The following C10orf90 variants were observed in gnomAD, a reference collection of about 807,000 sequenced individuals.
C10orf90 encodes (E2-independent) E3 ubiquitin-conjugating enzyme FATS.
In C10orf90, 56 loss-of-function variants were observed where a neutral mutation model predicts 62.5. The observed-to-expected ratio is 0.90, with a 90% CI of 0.72 to 1.12. The LOEUF (loss-of-function observed/expected upper bound fraction) is 1.12, where lower values mean the gene tolerates loss of function less well. C10orf90 is among the 50% of genes most tolerant of loss of function. C10orf90 has a pLI of 0.00. For synonymous variants in C10orf90, 386 were observed against 340.4 expected, an observed-to-expected ratio of 1.13 and a Z score of -1.47; for missense variants, 970 against 880.4, an observed-to-expected ratio of 1.10 and a Z score of -1.29.
chr10:126,505,089 C>A lies in C10orf90; in HGVS notation c.406-4G>T, dbSNP rs772276171. The A allele has an allele frequency of 6.9e-6, 11 of 1,594,606 alleles. No individual in the cohort carries two copies. The highest frequency in any genetic ancestry group is 1.7e-4 in the Middle Eastern group (1 of 5,974). On this transcript the variant is annotated splice_region_variant and splice_polypyrimidine_tract_variant and intron_variant, in intron 3 of 9. Transcript: ENST00000488181. ...TGTTTTGTGATGCCAGGGTCTCCTG[C>A]AAATAGAAAAAGATCCCGATTATTC...
At chr10:126,621,807 T>G (rs773327689) in intron 2 of C10orf90, among the ~76,000 whole-genome samples, 3 of 152,214 alleles carry the variant, frequency 2.0e-5, no homozygotes, top group Non-Finnish European at 4.4e-5. Flanking sequence ...TTAAAGAGAA[T>G]TCCCCTGACT....
chr10:126,659,058 T>C (rs933048921), intron 1 of C10orf90, among the ~76,000 whole-genome samples: 1 of 152,174 alleles, frequency 6.6e-6, no homozygotes, highest in Admixed American at 6.5e-5. Context: ...GCTGCACGCA[T>C]TGGGAACTAC....
At chr10:126,433,006 C>T (rs928243129) in intron 7 of C10orf90, among the ~76,000 whole-genome samples, 5 of 152,076 alleles carry the variant, frequency 3.3e-5, no homozygotes, top group Non-Finnish European at 2.9e-5. Flanking sequence ...AGAACATGAA[C>T]TGGGTGGAGG....
chr10:126,610,069 C>A (rs1845400423), intron 2 of C10orf90, among the ~76,000 whole-genome samples: 2 of 152,154 alleles, frequency 1.3e-5, no homozygotes, highest in African/African-American at 4.8e-5. Context: ...CTGTGTATCC[C>A]TGTGCCCTTG....
intron 4 of C10orf90, among the ~76,000 whole-genome samples, chr10:126,487,984 T>C (rs1279918805): frequency 6.6e-6 from 1 of 152,142 alleles, no homozygotes; most frequent in Admixed American, 6.5e-5. Flanking sequence ...GAGTTCACGT[T>C]ACAATTTTTA....
At chr10:126,634,900 C>A (rs537162136) in intron 2 of C10orf90, among the ~76,000 whole-genome samples, 1 of 152,144 alleles carries the variant, frequency 6.6e-6, no homozygotes, top group Non-Finnish European at 1.5e-5. Context: ...AATTTTAATC[C>A]GTGCTCTGGG....
intron 3 of C10orf90, chr10:126,512,234 A>C (rs928825755): frequency 2.0e-5 from 3 of 151,926 alleles, no homozygotes; most frequent in South Asian, 2.1e-4. Context: ...AGTCACAGAT[A>C]ATGACCAAGC....
At chr10:126,442,699 C>A (rs1007782686) in intron 7 of C10orf90, among the ~76,000 whole-genome samples, 1 of 126,630 alleles carries the variant, frequency 7.9e-6, no homozygotes, top group African/African-American at 3.1e-5. Context: ...CCAACAACCA[C>A]AGAATACACA....
chr10:126,499,681 C>T (rs746242404), intron 4 of C10orf90, among the ~76,000 whole-genome samples: 34 of 152,210 alleles, frequency 2.2e-4, no homozygotes, highest in Admixed American at 5.2e-4. Flanking sequence ...CAGTCATCCA[C>T]ATCTTTATTC....
At chr10:126,588,164 G>A (rs1334195630) in intron 2 of C10orf90, among the ~76,000 whole-genome samples, 4 of 152,206 alleles carry the variant, frequency 2.6e-5, no homozygotes, top group Non-Finnish European at 4.4e-5. Context: ...CCGGCTCTGG[G>A]GAGTCCAGGC....
chr10:126,603,020 A>G (rs1047174387), intron 2 of C10orf90, among the ~76,000 whole-genome samples: 1 of 151,710 alleles, frequency 6.6e-6, no homozygotes, highest in African/African-American at 2.4e-5. Flanking sequence ...AAGCAGAGAG[A>G]AGGAGGGAGG....
At position 126,541,970 on chromosome 10, in the gene C10orf90, A is replaced by G. The variant is rs1230306522; in HGVS notation, c.314-28031T>C. Among the ~76,000 whole-genome samples, 7 of 152,230 alleles carry G rather than the reference A, an allele frequency of 4.6e-5. No homozygotes were observed. The East Asian group carries it at 1.3e-3, about 29-fold the overall frequency. ...GGATAAATTGTTGTACATACATTCA[A>G]TGGAACATTATTCCAACAAAAAGGA... On this transcript the variant is annotated intron_variant, in intron 2 of 9. Coordinates refer to ENST00000488181, the MANE Select transcript of C10orf90 (RefSeq NM_001350921.2).
chr10:126,439,694 T>C lies in C10orf90; in HGVS notation c.2189-9844A>G, dbSNP rs544257077. Among the ~76,000 whole-genome samples the C allele has an allele frequency of 2.6e-5, 4 of 152,144 alleles. No homozygotes were observed. The East Asian group carries it at 7.7e-4, about 29-fold the overall frequency. ...GAAATTTAAAAGGAAGTAAAAGGCA[T>C]TAACAGACAAATTAAGCAGAAGAAA... On this transcript the variant is annotated intron_variant, in intron 7 of 9. Coordinates refer to ENST00000488181, the MANE Select transcript of C10orf90 (RefSeq NM_001350921.2).
intron 2 of C10orf90, chr10:126,521,247 T>C: frequency 2.5e-6 from 4 of 1,589,326 alleles, no homozygotes; most frequent in Non-Finnish European, 3.5e-6. Context: ...AATGAACAGA[T>C]TACTTTATAT....
intron 2 of C10orf90, among the ~76,000 whole-genome samples, chr10:126,518,409 C>T (rs1006152073): frequency 6.6e-6 from 1 of 152,114 alleles, no homozygotes; most frequent in African/African-American, 2.4e-5. Flanking sequence ...GATGGTGAGT[C>T]TGAAGCCCCA....
At chr10:126,656,844 A>G (rs1846404858) in intron 1 of C10orf90, among the ~76,000 whole-genome samples, 1 of 152,246 alleles carries the variant, frequency 6.6e-6, no homozygotes, top group African/African-American at 2.4e-5. Context: ...TATGTAAGTT[A>G]TATCTTAATA....
In C10orf90 at chr10:126,647,751, T is replaced by C. The variant is rs536716205; in HGVS notation, c.241-1114A>G. 3.2e-4 allele frequency among the ~76,000 whole-genome samples: 49 copies of C among 152,346 alleles called. 2 individuals carry two copies. The highest frequency in any genetic ancestry group is 9.6e-4 in the African/African-American group (40 of 41,576). On this transcript the variant is annotated intron_variant, in intron 1 of 9. Coordinates refer to ENST00000488181, the MANE Select transcript of C10orf90 (RefSeq NM_001350921.2). Reference sequence around the variant, plus strand: ...CTTCACATATACTGGTTATGTATGCTCAGTGCTTTACATACATCCTCTCAT... The same window carrying C: ...CTTCACATATACTGGTTATGTATGCCCAGTGCTTTACATACATCCTCTCAT...
In C10orf90 at chr10:126,659,389, C is replaced by A. The variant is rs368499394; in HGVS notation, c.240+10852G>T. On this transcript the variant is annotated intron_variant, in intron 1 of 9. Transcript: ENST00000488181. ...AGCCCTGACATAGGCCCTTGGTTGC[C>A]AATGCACTTGCCCCTGGCTGCTGGC... 1.5e-3 allele frequency among the ~76,000 whole-genome samples: 233 copies of A among 152,292 alleles called. No homozygotes were observed. In the South Asian group the frequency reaches 0.021, roughly 13 times the overall value.
In C10orf90 at chr10:126,565,274, A is replaced by AT. The variant is rs1844338300; in HGVS notation, c.314-51336dup. Among the ~76,000 whole-genome samples the AT allele has an allele frequency of 3.4e-4, 13 of 38,360 alleles. 1 individual carries two copies. Among genetic ancestry groups the AT allele is most frequent in the East Asian group, 7.2e-4 (1 of 1,394 alleles). The allele number at this position is 38,360 out of a possible 152,430, so 25.2% of individuals were successfully genotyped here. A position where few individuals can be genotyped will look rare whatever the true frequency, so the allele number is the denominator to read the frequency against. The stretch of plus-strand genomic sequence containing the variant: ...ATTATATTATATATTTATATTATAT[A>AT]TTATATTATATATTATATATTTATA... On this transcript the variant is annotated intron_variant, in intron 2 of 9. Coordinates refer to ENST00000488181, the MANE Select transcript of C10orf90 (RefSeq NM_001350921.2).
Sources: gnomAD v4.1 joint callset for allele counts (sites outside exome capture counted in the v4.1 genomes callset) on GRCh38, gnomAD v4.1.1 for gene constraint, MANE v1.5 for transcripts, NCBI Gene and HGNC (gene_info 2026-07-23, HGNC 2026-07-21) for gene names.